The following ALOX5AP variants were observed in gnomAD, a reference collection of about 807,000 sequenced individuals.
ALOX5AP encodes the protein arachidonate 5-lipoxygenase activating protein, also known as arachidonate 5-lipoxygenase-activating protein.
Under a neutral mutation model 18.5 loss-of-function variants are expected in ALOX5AP, and 9 were observed. The ratio of observed to expected loss-of-function variants is 0.49; its 90% confidence interval spans 0.29 to 0.85. ALOX5AP has a LOEUF of 0.85. Among genes scored for constraint, ALOX5AP ranks in the 40% least tolerant of loss-of-function variants. The pLI is 0.08. For synonymous variants in ALOX5AP, 81 were observed against 78.6 expected, an observed-to-expected ratio of 1.03 and a Z score of -0.16; for missense variants, 172 against 202.5, an observed-to-expected ratio of 0.85 and a Z score of 0.91.
chr13:30,744,140 G>T lies in ALOX5AP; in HGVS notation c.151G>T (p.Glu51Ter). ...SFQRTGTLAF[E>*]RVYTANQNCV... ...CCAGAGGACCGGAACACTTGCCTTT[G>T]AGCGGGTCTACACTGCCAAGTGAGT... Residue 51 changes from glutamate (E) to a stop codon, truncating the protein, a stop_gained, in exon 2 of 5, where the codon GAG (glutamate) becomes TAG (stop). Coordinates refer to ENST00000380490, the MANE Select transcript of ALOX5AP (RefSeq NM_001629.4). LOFTEE classifies it high-confidence loss of function. 6.2e-7 allele frequency: 1 copy of T among 1,613,926 alleles called. No homozygotes were observed. Among genetic ancestry groups the T allele is most frequent in the South Asian group, 1.1e-5 (1 of 91,072 alleles).
At chr13:30,743,608 C>T (rs1042378246) in intron 1 of ALOX5AP, among the ~76,000 whole-genome samples, 3 of 151,872 alleles carry the variant, frequency 2.0e-5, no homozygotes, top group Non-Finnish European at 2.9e-5. Flanking sequence ...TAGCTTAGAG[C>T]GGCCCCTCTC....
At chr13:30,713,951 C>T in intron 1 of ALOX5AP, 1 of 1,225,410 alleles carries the variant, frequency 8.2e-7, no homozygotes, top group South Asian at 1.4e-5. Flanking sequence ...AGAACCGAGG[C>T]TCCCAGAAGC....
chr13:30,728,160 C>G (rs1951653672), intron 1 of ALOX5AP, among the ~76,000 whole-genome samples: 1 of 152,154 alleles, frequency 6.6e-6, no homozygotes, highest in Admixed American at 6.5e-5. Flanking sequence ...GGGAGAACAC[C>G]ATATGCTGAT....
intron 1 of ALOX5AP, among the ~76,000 whole-genome samples, chr13:30,739,783 A>G (rs1951748355): frequency 6.6e-6 from 1 of 152,218 alleles, no homozygotes; most frequent in Admixed American, 6.5e-5. Flanking sequence ...TGAGTCATGG[A>G]GAATTTGGTT....
At chr13:30,735,457 A>T, upstream of ALOX5AP, 2 of 1,264,558 alleles carry the variant, frequency 1.6e-6, no homozygotes, top group Non-Finnish European at 2.1e-6. Context: ...AAAAAAAAAA[A>T]AAGGAAGAAG....
At chr13:30,717,640 G>C (rs1951559728) in intron 1 of ALOX5AP, among the ~76,000 whole-genome samples, 1 of 152,240 alleles carries the variant, frequency 6.6e-6, no homozygotes, top group Non-Finnish European at 1.5e-5. Flanking sequence ...GAGATGCATA[G>C]GGCGAGGTGT....
chr13:30,738,261 A>G (rs575996214), intron 1 of ALOX5AP, among the ~76,000 whole-genome samples: 6 of 152,316 alleles, frequency 3.9e-5, no homozygotes, highest in Admixed American at 3.3e-4. Context: ...CTGCCTTTCA[A>G]ACATGTTTTA....
rs1431798641 is a variant in ALOX5AP, at chr13:30,764,129, G to A, written c.*23G>A. The A allele has an allele frequency of 6.2e-7, 1 of 1,609,750 alleles. No homozygotes were observed. Among genetic ancestry groups the A allele is most frequent in the Non-Finnish European group, 8.5e-7 (1 of 1,177,534 alleles). ...TAACTCTCTGCTGAATATGGGGTTG[G>A]TGTTCTCATCTAATCAATACCTACA... On this transcript the variant is annotated 3_prime_UTR_variant, in exon 5 of 5. Coordinates refer to ENST00000380490, the MANE Select transcript of ALOX5AP (RefSeq NM_001629.4).
At chr13:30,739,642 C>T (rs773305798) in intron 1 of ALOX5AP, among the ~76,000 whole-genome samples, 1 of 152,182 alleles carries the variant, frequency 6.6e-6, no homozygotes, top group Non-Finnish European at 1.5e-5. Context: ...ACCATGTTGG[C>T]CAGGTTGGCC....
chr13:30,740,126 T>G (rs1047411171), intron 1 of ALOX5AP, among the ~76,000 whole-genome samples: 1 of 152,222 alleles, frequency 6.6e-6, no homozygotes, highest in African/African-American at 2.4e-5. Flanking sequence ...AGAACACCTA[T>G]GCAGATAGGT....
At chr13:30,751,481 A>C (rs1313247370) in intron 2 of ALOX5AP, among the ~76,000 whole-genome samples, 1 of 152,148 alleles carries the variant, frequency 6.6e-6, no homozygotes, top group East Asian at 1.9e-4. Context: ...TAGAGTGAGA[A>C]CTCTCCAGGG....
chr13:30,723,526 T>A (rs1951611190), intron 1 of ALOX5AP, among the ~76,000 whole-genome samples: 1 of 152,222 alleles, frequency 6.6e-6, no homozygotes, highest in Non-Finnish European at 1.5e-5. Flanking sequence ...GACTTGGCTC[T>A]AAAGGAAGCA....
intron 1 of ALOX5AP, among the ~76,000 whole-genome samples, chr13:30,724,260 T>G (rs548350582): frequency 3.9e-5 from 6 of 152,388 alleles, no homozygotes; most frequent in Non-Finnish European, 5.9e-5. Flanking sequence ...CTATGTTCTG[T>G]GCCTCAGTAG....
chr13:30,735,101 C>T (rs1951710015), upstream of ALOX5AP, among the ~76,000 whole-genome samples: 1 of 152,068 alleles, frequency 6.6e-6, no homozygotes, highest in Admixed American at 6.6e-5. Context: ...GCCTCAAAGT[C>T]CTGGGCCCAA....
intron 1 of ALOX5AP, among the ~76,000 whole-genome samples, chr13:30,715,637 A>G (rs1233828037): frequency 6.6e-6 from 1 of 152,196 alleles, no homozygotes; most frequent in Non-Finnish European, 1.5e-5. Flanking sequence ...TGCCTTTTCC[A>G]TGACTCCTCT....
At chr13:30,756,924 C>G (rs1951900952) in intron 4 of ALOX5AP, among the ~76,000 whole-genome samples, 1 of 151,636 alleles carries the variant, frequency 6.6e-6, no homozygotes. Context: ...CCCAAAGCAG[C>G]ACAGTACCTT....
exon 1 of ALOX5AP, chr13:30,713,806 C>T: frequency 6.5e-7 from 1 of 1,535,566 alleles, no homozygotes; most frequent in Non-Finnish European, 8.7e-7. Context: ...CCTTTGGCAC[C>T]TTGGGGCACA....
intron 1 of ALOX5AP, among the ~76,000 whole-genome samples, chr13:30,729,597 G>A (rs917259938): frequency 2.9e-5 from 2 of 68,274 alleles, no homozygotes; most frequent in Admixed American, 1.7e-4. Context: ...TTTTTTTTTA[G>A]ATGGGGTCTC....
chr13:30,714,712 C>G (rs1162471125), intron 1 of ALOX5AP, among the ~76,000 whole-genome samples: 1 of 152,084 alleles, frequency 6.6e-6, no homozygotes, highest in East Asian at 1.9e-4. Context: ...CATTGGTGGG[C>G]GTTCTGCTGG....
Sources: allele counts gnomAD v4.1 joint callset (sites outside exome capture counted in the v4.1 genomes callset), GRCh38; gene constraint gnomAD v4.1.1; transcripts MANE v1.5; gene names NCBI Gene and HGNC (gene_info 2026-07-23, HGNC 2026-07-21).